Variants in DNAAF4 observed in about 807,000 individuals in gnomAD.
The protein encoded by DNAAF4 is dynein assembly factor 4, axonemal.
A neutral mutation model predicts 51.8 loss-of-function variants in DNAAF4; 43 were observed. The observed-to-expected ratio is 0.83, with a 90% CI of 0.65 to 1.07. The LOEUF is 1.07. Among genes scored for constraint, DNAAF4 ranks in the 50% least tolerant of loss-of-function variants. The probability of loss-of-function intolerance (pLI) is 0.00; values close to 1 mark genes in which losing one functional copy is unlikely to be tolerated. For missense variants in DNAAF4, 581 were observed against 493.0 expected (o/e 1.18, Z -1.69); for synonymous variants, 194 against 165.6 (o/e 1.17, Z -1.32).
intron 6 of DNAAF4, among the ~76,000 whole-genome samples, chr15:55,442,018 G>C (rs1464231224): frequency 6.6e-6 from 1 of 152,122 alleles, no homozygotes; most frequent in East Asian, 1.9e-4. Context: ...TTCATGCTTG[G>C]TTTTCTAGCA....
chr15:55,433,990 TA>T (rs2057563117), intron 8 of DNAAF4, among the ~76,000 whole-genome samples: 1 of 35,670 alleles, frequency 2.8e-5, no homozygotes, highest in African/African-American at 8.4e-5. Context: ...ATATATAATA[TA>T]TATAATATTA....
intron 1 of DNAAF4, among the ~76,000 whole-genome samples, chr15:55,504,062 G>A (rs962428611): frequency 6.6e-6 from 1 of 152,258 alleles, no homozygotes; most frequent in Non-Finnish European, 1.5e-5. Context: ...AAGCTGATAA[G>A]CAACTTCAGC....
chr15:55,474,904 G>C lies in DNAAF4; in HGVS notation c.406-7743C>G, dbSNP rs541201803. 3.6e-3 allele frequency among the ~76,000 whole-genome samples: 548 copies of C among 150,814 alleles called. 2 individuals are homozygous for C. Among genetic ancestry groups the C allele is most frequent in the Non-Finnish European group, 5.7e-3 (387 of 67,582 alleles). On this transcript the variant is annotated intron_variant, in intron 4 of 9. Transcript: ENST00000321149. ...TGAGGAAGGAGAATCACTTGAACCT[G>C]GGAAGTGGAGGTTGCAGTGAGCCAA...
intron 4 of DNAAF4, among the ~76,000 whole-genome samples, chr15:55,474,848 C>T (rs1220130043): frequency 4.0e-5 from 6 of 151,696 alleles, no homozygotes; most frequent in Non-Finnish European, 5.9e-5. Flanking sequence ...GGTGCAGTGG[C>T]GCACGCCGTA....
chr15:55,472,903 C>T (rs569560521), intron 4 of DNAAF4, among the ~76,000 whole-genome samples: 3 of 152,010 alleles, frequency 2.0e-5, no homozygotes, highest in Non-Finnish European at 2.9e-5. Context: ...TGGAGGCTCA[C>T]GCCTGTAAAC....
intron 5 of DNAAF4, among the ~76,000 whole-genome samples, chr15:55,455,155 T>C (rs649265): frequency 0.56 from 82,398 of 146,820 alleles, 24,695 homozygotes; most frequent in East Asian, 0.92. Context: ...ATAAAAAAAC[T>C]CCAGACCTAG....
At chr15:55,499,933 C>T (rs1046594724) in intron 1 of DNAAF4, among the ~76,000 whole-genome samples, 1 of 152,154 alleles carries the variant, frequency 6.6e-6, no homozygotes, top group Non-Finnish European at 1.5e-5. Flanking sequence ...TTGCTCCAGG[C>T]TGCTTTCTGC....
chr15:55,497,120 C>T lies in DNAAF4; in HGVS notation c.271+592G>A, dbSNP rs1317356020. 2.0e-5 allele frequency among the ~76,000 whole-genome samples: 3 copies of T among 152,262 alleles called. 1 individual carries two copies. Among genetic ancestry groups the T allele is most frequent in the African/African-American group, 7.2e-5 (3 of 41,566 alleles). ...AGCGGCCTACATCCCCTCCCCCTTC[C>T]CCTATTAAGACAGTCCCTAAACTCT... On this transcript the variant is annotated intron_variant, in intron 3 of 9. Transcript: ENST00000321149.
chr15:55,436,400 T>A (rs2057611386), intron 7 of DNAAF4, among the ~76,000 whole-genome samples: 1 of 152,158 alleles, frequency 6.6e-6, no homozygotes, highest in African/African-American at 2.4e-5. Context: ...TATTATTATT[T>A]TTTTGAGCAG....
At position 55,465,323 on chromosome 15, in the gene DNAAF4, T is replaced by C. The variant is rs143557021; in HGVS notation, c.637+1607A>G. On this transcript the variant is annotated intron_variant, in intron 5 of 9. Transcript: ENST00000321149. ...CATGTTTATAGCAGCACAATTGCAA[T>C]TGCAAAAATATAGAACTAGCCTAAA... Among the ~76,000 whole-genome samples, 598 of 151,098 alleles carry C rather than the reference T, an allele frequency of 4.0e-3. 6 individuals are homozygous for C. The highest frequency in any genetic ancestry group is 0.013 in the African/African-American group (540 of 41,116).
chr15:55,485,316 AGT>A lies in DNAAF4; in HGVS notation c.405+5805_405+5806del, dbSNP rs2058472075. On this transcript the variant is annotated intron_variant, in intron 4 of 9. Transcript: ENST00000321149. ...ATTTTTTAAATGCCAGAATCATGAAAGTTATTATCATAAAATAGAATAAAATG... is the reference window on the plus strand; with the variant it reads ...ATTTTTTAAATGCCAGAATCATGAAATATTATCATAAAATAGAATAAAATG... Among the ~76,000 whole-genome samples the A allele has an allele frequency of 1.1e-4, 16 of 152,350 alleles. 1 individual carries two copies. Among genetic ancestry groups the A allele is most frequent in the Admixed American group, 7.2e-4 (11 of 15,298 alleles).
chr15:55,468,886 T>G (rs2058207775), intron 4 of DNAAF4, among the ~76,000 whole-genome samples: 1 of 152,252 alleles, frequency 6.6e-6, no homozygotes, highest in South Asian at 2.1e-4. Context: ...ATAGTCCAGC[T>G]CTTCAGAGAG....
intron 5 of DNAAF4, among the ~76,000 whole-genome samples, chr15:55,462,884 T>C (rs1431698817): frequency 6.6e-6 from 1 of 152,026 alleles, no homozygotes; most frequent in African/African-American, 2.4e-5. Context: ...AGAAAAAGCA[T>C]TTGAGGCCGA....
intron 6 of DNAAF4, among the ~76,000 whole-genome samples, chr15:55,440,388 T>C (rs1049370282): frequency 6.7e-6 from 1 of 149,236 alleles, no homozygotes; most frequent in Non-Finnish European, 1.5e-5. Context: ...TTTATATATA[T>C]ATATTTTTGA....
At chr15:55,473,002 C>T (rs944562464) in intron 4 of DNAAF4, among the ~76,000 whole-genome samples, 3 of 151,264 alleles carry the variant, frequency 2.0e-5, no homozygotes, top group African/African-American at 7.3e-5. Context: ...CCCATCTCTA[C>T]TAAAAATACA....
chr15:55,453,454 T>A (rs917791395), intron 5 of DNAAF4, among the ~76,000 whole-genome samples: 4 of 150,722 alleles, frequency 2.7e-5, no homozygotes, highest in Non-Finnish European at 5.9e-5. Context: ...ATTTTAAACA[T>A]ACTTACTTAA....
chr15:55,497,585 G>C, intron 3 of DNAAF4, 127 bp downstream of exon 3: 1 of 1,124,766 alleles, frequency 8.9e-7, no homozygotes, highest in Non-Finnish European at 1.2e-6. Context: ...GGGCGACAGA[G>C]CAAGACTCTT....
At chr15:55,500,658 C>G (rs891078064) in intron 1 of DNAAF4, among the ~76,000 whole-genome samples, 1 of 152,204 alleles carries the variant, frequency 6.6e-6, no homozygotes, top group East Asian at 1.9e-4. Context: ...CTACCATGAT[C>G]CTACTAAACT....
intron 1 of DNAAF4, among the ~76,000 whole-genome samples, chr15:55,504,002 A>T (rs868302537): frequency 3.3e-5 from 5 of 152,208 alleles, no homozygotes; most frequent in African/African-American, 9.6e-5. Flanking sequence ...TTTGCAGACG[A>T]CATGATTGTC....
Sources: allele counts gnomAD v4.1 joint callset (sites outside exome capture counted in the v4.1 genomes callset), GRCh38; gene constraint gnomAD v4.1.1; transcripts MANE v1.5; gene names NCBI Gene and HGNC (gene_info 2026-07-23, HGNC 2026-07-21).